The following ZNF239 variants were observed in gnomAD, a reference collection of about 807,000 sequenced individuals.
ZNF239 encodes the protein zinc finger protein 239.
A neutral mutation model predicts 27.5 loss-of-function variants in ZNF239; 16 were observed. The ratio of observed to expected loss-of-function variants is 0.58; its 90% CI spans 0.39 to 0.88. The LOEUF is 0.88. Among genes scored for constraint, ZNF239 ranks in the 40% least tolerant of loss-of-function variants. ZNF239 has a pLI of 0.00. For missense variants in ZNF239, 527 were observed against 551.9 expected (o/e 0.95, Z 0.45); for synonymous variants, 199 against 192.6 (o/e 1.03, Z -0.27).
rs1371855307 is a variant in ZNF239, at chr10:43,557,470, C to T, written c.610G>A (p.Glu204Lys). ...GHPYEKIHTA[E>K]KQYECSQCGK... is the part of the protein sequence containing the mutation. Reference sequence around the variant, plus strand: ...CACTGACTACATTCGTATTGTTTCTCTGCAGTGTGGATTTTCTCATATGGA... The same window carrying T: ...CACTGACTACATTCGTATTGTTTCTTTGCAGTGTGGATTTTCTCATATGGA... The change falls in exon 4 of 4, where the codon GAG becomes AAG. Residue 204 changes from glutamate to lysine, a missense_variant. Physicochemically the swap from Glu to Lys is moderately conservative, Grantham distance 56. Coordinates refer to ENST00000374446, the MANE Select transcript of ZNF239 (RefSeq NM_001099282.2). 1 of 1,614,152 alleles carries T rather than the reference C, an allele frequency of 6.2e-7. No homozygotes were observed.
intron 3 of ZNF239, among the ~76,000 whole-genome samples, chr10:43,560,216 G>T (rs941852223): frequency 1.3e-5 from 2 of 152,162 alleles, no homozygotes; most frequent in Non-Finnish European, 2.9e-5. Flanking sequence ...AAGAAAGACT[G>T]CTAATAATAT....
At chr10:43,568,919 G>T (rs1837859099) in intron 2 of ZNF239, among the ~76,000 whole-genome samples, 1 of 152,150 alleles carries the variant, frequency 6.6e-6, no homozygotes, top group Non-Finnish European at 1.5e-5. Flanking sequence ...GCGTGGTGAT[G>T]TGTGCCTGTA....
chr10:43,559,261 ATGAC>A (rs1378074237), intron 3 of ZNF239, among the ~76,000 whole-genome samples: 2 of 152,204 alleles, frequency 1.3e-5, no homozygotes, highest in Admixed American at 6.5e-5. Flanking sequence ...TCAGAGTGAA[ATGAC>A]TGACTTTGTG....
At chr10:43,573,045 G>C (rs185986797) in intron 2 of ZNF239, among the ~76,000 whole-genome samples, 1 of 152,160 alleles carries the variant, frequency 6.6e-6, no homozygotes, top group Admixed American at 6.5e-5. Context: ...GTCTGGAAGA[G>C]AGAAGGAAGC....
chr10:43,561,268 T>TA (rs1330790710), intron 3 of ZNF239, among the ~76,000 whole-genome samples: 2 of 152,138 alleles, frequency 1.3e-5, no homozygotes, highest in Non-Finnish European at 2.9e-5. Context: ...CAATAAATGC[T>TA]AAAAAATGGT....
chr10:43,573,549 C>T, intron 2 of ZNF239, 88 bp downstream of exon 2: 1 of 851,010 alleles, frequency 1.2e-6, no homozygotes, highest in Non-Finnish European at 1.4e-6. Flanking sequence ...AAATACCGTA[C>T]TGGGGGCCTG....
At chr10:43,570,970 AAGG>A in intron 2 of ZNF239, 1 of 985,334 alleles carries the variant, frequency 1.0e-6, no homozygotes, top group Non-Finnish European at 1.2e-6. Context: ...TGACAAGGGA[AAGG>A]AGAAAAGGAA....
chr10:43,564,120 T>C (rs1297550040), intron 3 of ZNF239: 5 of 176,280 alleles, frequency 2.8e-5, no homozygotes, highest in Non-Finnish European at 5.5e-5. Flanking sequence ...TCTCTTTGCC[T>C]GGAATGTTCT....
At chr10:43,564,256 T>C (rs1218633991) in intron 3 of ZNF239, 17 of 980,688 alleles carry the variant, frequency 1.7e-5, no homozygotes, top group Non-Finnish European at 1.9e-5. Context: ...CTCAGAGCGG[T>C]GTTCCATTCT....
intron 3 of ZNF239, among the ~76,000 whole-genome samples, chr10:43,561,191 C>G (rs890951669): frequency 6.6e-6 from 1 of 152,060 alleles, no homozygotes. Context: ...AGATGGAACA[C>G]AGGGAGAGAA....
intron 2 of ZNF239, chr10:43,570,104 T>G: frequency 1.1e-6 from 1 of 905,462 alleles, no homozygotes; most frequent in Non-Finnish European, 1.3e-6. Context: ...TAAGCCAGCT[T>G]TGGCCTGAGG....
intron 2 of ZNF239, among the ~76,000 whole-genome samples, chr10:43,568,962 A>T (rs2132295707): frequency 6.6e-6 from 1 of 152,298 alleles, no homozygotes; most frequent in South Asian, 2.1e-4. Context: ...AGGTGGAAGG[A>T]TCTCTTGAAC....
At position 43,563,434 on chromosome 10, in the gene ZNF239, A is replaced by T. The variant is rs1837409151; in HGVS notation, c.-93+4465T>A. On this transcript the variant is annotated intron_variant, in intron 3 of 3. Coordinates refer to ENST00000374446, the MANE Select transcript of ZNF239 (RefSeq NM_001099282.2). ...ACATGGCAGAAAAAAGCTCTAACAC[A>T]TACTGCATAAAACAGCACATTAAAA... Among the ~76,000 whole-genome samples, 6 of 152,376 alleles carry T rather than the reference A, an allele frequency of 3.9e-5. No homozygotes were observed. The South Asian group carries it at 1.2e-3, about 32-fold the overall frequency.
Position 43,556,728 on chromosome 10 carries a change from C to T in ZNF239, c.1352G>A (p.Arg451Gln), listed in dbSNP as rs1048741301. ...TTAGCGAGGATCTTTCTTGTGAACC[C>T]GCTGGTGGATGTGAAGGTTGGAGCT... The part of the protein sequence containing the change: ...SQSSNLHIHQ[R>Q]VHKKDPR Residue 451 changes from arginine to glutamine, a missense_variant, in exon 4 of 4, where the codon CGG (arginine) becomes CAG (glutamine). Physicochemically the swap from Arg to Gln is conservative, Grantham distance 43. Coordinates refer to ENST00000374446, the MANE Select transcript of ZNF239 (RefSeq NM_001099282.2). 16 of 1,613,622 alleles carry T rather than the reference C, an allele frequency of 9.9e-6. No homozygotes were observed. Among genetic ancestry groups the T allele is most frequent in the Non-Finnish European group, 1.3e-5 (15 of 1,179,780 alleles).
At chr10:43,569,292 C>T (rs1040259413) in intron 2 of ZNF239, among the ~76,000 whole-genome samples, 1 of 152,180 alleles carries the variant, frequency 6.6e-6, no homozygotes, top group Non-Finnish European at 1.5e-5. Context: ...CCACATCAAC[C>T]TCCTGGTTGG....
intron 3 of ZNF239, among the ~76,000 whole-genome samples, chr10:43,559,035 A>C (rs1284597999): frequency 6.6e-6 from 1 of 152,198 alleles, no homozygotes; most frequent in Non-Finnish European, 1.5e-5. Context: ...AAAAACAAAA[A>C]ACAAACAAAA....
Position 43,567,879 on chromosome 10 carries a change from G to A in ZNF239, c.-93+20C>T. 3.0e-6 allele frequency: 3 copies of A among 984,930 alleles called. No individual in the cohort carries two copies. The highest frequency in any genetic ancestry group is 3.6e-6 in the Non-Finnish European group (3 of 829,238). The allele number at this position is 984,930 out of a possible 1,614,324, so 61.0% of individuals were successfully genotyped here. A position where few individuals can be genotyped will look rare whatever the true frequency, so the allele number is the denominator to read the frequency against. On this transcript the variant is annotated intron_variant, in intron 3 of 3. Transcript: ENST00000374446. ...AAGAAGCCAATGGGCAGGTGTCCAA[G>A]TTCACATGTCCTTACCCACCAAGAC...
intron 3 of ZNF239, among the ~76,000 whole-genome samples, chr10:43,560,474 G>C (rs1837144606): frequency 6.6e-6 from 1 of 151,976 alleles, no homozygotes; most frequent in South Asian, 2.1e-4. Flanking sequence ...CACTGTGCAG[G>C]GGAGTACAGG....
chr10:43,570,528 A>G, intron 2 of ZNF239: 1 of 983,922 alleles, frequency 1.0e-6, no homozygotes, highest in Non-Finnish European at 1.2e-6. Flanking sequence ...TTCTATCTTC[A>G]GAGATGCAAG....
Sources: allele counts gnomAD v4.1 joint callset (sites outside exome capture counted in the v4.1 genomes callset), GRCh38; gene constraint gnomAD v4.1.1; transcripts MANE v1.5; gene names NCBI Gene and HGNC (gene_info 2026-07-23, HGNC 2026-07-21).